The following RBPJ variants were observed in gnomAD, a reference collection of about 807,000 sequenced individuals.
RBPJ encodes the protein recombination signal binding protein for immunoglobulin kappa J region.
Under a neutral mutation model 67.8 loss-of-function variants are expected in RBPJ, and 9 were observed. That is an observed-to-expected ratio of 0.13 (90% confidence interval 0.08 to 0.23). The LOEUF (loss-of-function observed/expected upper bound fraction) is 0.23, where lower values mean the gene tolerates loss of function less well. Ranked by LOEUF, RBPJ falls within the 10% of genes least tolerant of loss-of-function variation. The pLI is 1.00. For missense variants in RBPJ, 305 were observed against 595.6 expected (o/e 0.51, Z 5.08); for synonymous variants, 198 against 203.3 (o/e 0.97, Z 0.22).
chr4:26,299,319 C>A (rs1001114432), intron 1 of RBPJ, among the ~76,000 whole-genome samples: 1 of 152,070 alleles, frequency 6.6e-6, no homozygotes, highest in East Asian at 1.9e-4. Context: ...GAAGATTCAC[C>A]CAAATTTCAT....
intron 1 of RBPJ, among the ~76,000 whole-genome samples, chr4:26,281,312 C>T (rs570748058): frequency 6.6e-6 from 1 of 152,104 alleles, no homozygotes; most frequent in East Asian, 1.9e-4. Context: ...GAGTTTCGCT[C>T]TTGTTGCCCA....
the RBPJ span, among the ~76,000 whole-genome samples, chr4:26,130,528 A>G: frequency 1.3e-5 from 2 of 151,978 alleles, no homozygotes; most frequent in Non-Finnish European, 2.9e-5. Flanking sequence ...TTCAAGCTTC[A>G]CGTCCTCTAC....
intron 1 of RBPJ, among the ~76,000 whole-genome samples, chr4:26,186,039 T>G (rs1717241373): frequency 1.3e-5 from 2 of 151,944 alleles, no homozygotes; most frequent in African/African-American, 4.8e-5. Flanking sequence ...AGAGTGAAAT[T>G]CTGTCTCAAG....
chr4:26,110,969 CTAGT>C, the RBPJ span, among the ~76,000 whole-genome samples: 9 of 152,238 alleles, frequency 5.9e-5, no homozygotes, highest in African/African-American at 1.7e-4. The surrounding 1 kb of genome is among the most constrained non-coding windows in gnomAD (Gnocchi z 4.5). Context: ...AAATTCCTTT[CTAGT>C]TAGGCTGACT....
the RBPJ span, among the ~76,000 whole-genome samples, chr4:26,151,117 T>C: frequency 1.3e-5 from 2 of 152,158 alleles, no homozygotes; most frequent in Admixed American, 6.5e-5. Context: ...TGATACCAAA[T>C]GGCACCGAAG....
intron 1 of RBPJ, among the ~76,000 whole-genome samples, chr4:26,269,623 C>A (rs113145385): frequency 0.015 from 2,269 of 152,254 alleles, 64 homozygotes; most frequent in African/African-American, 0.051. Flanking sequence ...CTGCCTCCCC[C>A]ACCGGACTTC....
At chr4:26,343,540 G>T (rs1725770034) in intron 1 of RBPJ, among the ~76,000 whole-genome samples, 1 of 150,866 alleles carries the variant, frequency 6.6e-6, no homozygotes, top group Non-Finnish European at 1.5e-5. Flanking sequence ...AATACAGGTT[G>T]TTTGTTTGTT....
intron 1 of RBPJ, among the ~76,000 whole-genome samples, chr4:26,304,280 T>G (rs2109302006): frequency 6.6e-6 from 1 of 152,380 alleles, no homozygotes; most frequent in East Asian, 1.9e-4. Context: ...GCTTCCACTT[T>G]GGGGCTTCCA....
At chr4:26,410,639 C>T (rs1243316715) in intron 3 of RBPJ, among the ~76,000 whole-genome samples, 2 of 152,060 alleles carry the variant, frequency 1.3e-5, no homozygotes, top group African/African-American at 4.8e-5. Context: ...AAATATGGTC[C>T]TTGTGAACTG....
intron 1 of RBPJ, among the ~76,000 whole-genome samples, chr4:26,195,819 C>G (rs970578640): frequency 6.6e-6 from 1 of 152,164 alleles, no homozygotes; most frequent in Admixed American, 6.5e-5. Flanking sequence ...TGGTCTTGAA[C>G]TCCTGACCTT....
chr4:26,393,250 A>G (rs929973074), intron 2 of RBPJ, among the ~76,000 whole-genome samples: 1 of 152,240 alleles, frequency 6.6e-6, no homozygotes, highest in Admixed American at 6.5e-5. Flanking sequence ...CAAAATTTGT[A>G]TAACAGCAAA....
intron 1 of RBPJ, among the ~76,000 whole-genome samples, chr4:26,250,328 CTTT>C (rs869105820): frequency 0.011 from 1,275 of 120,650 alleles, 13 homozygotes; most frequent in African/African-American, 0.038. Flanking sequence ...GACTCCATTC[CTTT>C]TTTTTTTTTT....
the RBPJ span, among the ~76,000 whole-genome samples, chr4:26,108,376 C>T: frequency 6.6e-6 from 1 of 152,180 alleles, no homozygotes; most frequent in Non-Finnish European, 1.5e-5. Context: ...TGGGCAGTTC[C>T]CTTTGCCTTT....
chr4:26,109,589 A>C, the RBPJ span, among the ~76,000 whole-genome samples: 1 of 63,780 alleles, frequency 1.6e-5, no homozygotes, highest in African/African-American at 6.2e-5. Flanking sequence ...CTATATATAT[A>C]TATATATATA....
chr4:26,401,585 C>T (rs1454266464), intron 2 of RBPJ, among the ~76,000 whole-genome samples: 2 of 152,124 alleles, frequency 1.3e-5, no homozygotes, highest in Non-Finnish European at 2.9e-5. Flanking sequence ...CTGTTTTACC[C>T]GAGTTGTCAT....
At chr4:26,216,695 G>A (rs1322417692) in intron 1 of RBPJ, among the ~76,000 whole-genome samples, 1 of 152,112 alleles carries the variant, frequency 6.6e-6, no homozygotes, top group African/African-American at 2.4e-5. Flanking sequence ...CTGAGGTCTG[G>A]GTGGATCACT....
chr4:26,223,027 C>T (rs569353887), intron 1 of RBPJ, among the ~76,000 whole-genome samples: 1 of 151,886 alleles, frequency 6.6e-6, no homozygotes, highest in East Asian at 1.9e-4. Context: ...TGGTGGTGTG[C>T]ACCTGTAATC....
In RBPJ at chr4:26,426,677, G is replaced by A. The variant is rs1735704316; in HGVS notation, c.747+1934G>A. On this transcript the variant is annotated intron_variant, in intron 7 of 10. Coordinates refer to ENST00000355476, the MANE Select transcript of RBPJ (RefSeq NM_015874.6). ...AGAGAATTGGAGGAGCGCTTAGAGA[G>A]GTCAGGGAAGTCTTTTTGAAGTCGC... Among the ~76,000 whole-genome samples the A allele has an allele frequency of 3.9e-5, 6 of 152,264 alleles. No homozygotes were observed. In the South Asian group the frequency reaches 1.2e-3, roughly 32 times the overall value.
At position 26,325,668 on chromosome 4, in the gene RBPJ, A is replaced by G. The variant is rs564291321; in HGVS notation, c.20+4620A>G. Among the ~76,000 whole-genome samples the G allele has an allele frequency of 2.0e-5, 3 of 152,364 alleles. No homozygotes were observed. The South Asian group carries it at 6.2e-4, about 32-fold the overall frequency. Reference sequence around the variant, plus strand: ...CAAAAGATGTTAGCTACTGTGGCGCATAGGATCCTCCATAACTATTTCATC... The same window carrying G: ...CAAAAGATGTTAGCTACTGTGGCGCGTAGGATCCTCCATAACTATTTCATC... On this transcript the variant is annotated intron_variant, in intron 1 of 10. Transcript: ENST00000355476.
Sources: allele counts gnomAD v4.1 joint callset (sites outside exome capture counted in the v4.1 genomes callset), GRCh38; gene constraint gnomAD v4.1.1; non-coding constraint Gnocchi (gnomAD v3.1); transcripts MANE v1.5; gene names NCBI Gene and HGNC (gene_info 2026-07-23, HGNC 2026-07-21).